The following CNNM1 variants were observed in gnomAD, a reference collection of about 807,000 sequenced individuals.
CNNM1 encodes the protein cyclin and CBS domain divalent metal cation transport mediator 1.
A neutral mutation model predicts 78.8 loss-of-function variants in CNNM1; 44 were observed. The observed-to-expected ratio is 0.56, with a 90% CI of 0.44 to 0.72. CNNM1 has a LOEUF of 0.72. Among genes scored for constraint, CNNM1 ranks in the 30% least tolerant of loss-of-function variants. CNNM1 has a pLI of 0.00. For synonymous variants in CNNM1, 584 were observed against 581.5 expected, an observed-to-expected ratio of 1.00 and a Z score of -0.06; for missense variants, 1,101 against 1,292.2, an observed-to-expected ratio of 0.85 and a Z score of 2.27.
chr10:99,361,986 T>G (rs1473490573), intron 3 of CNNM1, among the ~76,000 whole-genome samples: 1 of 152,234 alleles, frequency 6.6e-6, no homozygotes, highest in Non-Finnish European at 1.5e-5. Context: ...GAGACCTGTT[T>G]CTCCTGAGAT....
intron 1 of CNNM1, among the ~76,000 whole-genome samples, chr10:99,350,002 A>G (rs1053536723): frequency 6.6e-6 from 1 of 152,154 alleles, no homozygotes; most frequent in Admixed American, 6.5e-5. Context: ...CAGTCTCAAA[A>G]CAAAACAAAA....
intron 2 of CNNM1, among the ~76,000 whole-genome samples, chr10:99,358,021 C>T (rs1053365242): frequency 4.6e-5 from 7 of 152,232 alleles, no homozygotes; most frequent in African/African-American, 1.7e-4. Flanking sequence ...TTGGTTGCTT[C>T]ATCCACCTAG....
intron 10 of CNNM1, among the ~76,000 whole-genome samples, chr10:99,390,783 A>G (rs1017713035): frequency 4.6e-5 from 7 of 152,226 alleles, no homozygotes; most frequent in Non-Finnish European, 8.8e-5. Flanking sequence ...ACAGGCCTCT[A>G]ATATTTTCTG....
chr10:99,357,952 G>A (rs1051623471), intron 2 of CNNM1, among the ~76,000 whole-genome samples: 6 of 152,202 alleles, frequency 3.9e-5, no homozygotes, highest in Non-Finnish European at 8.8e-5. Context: ...GAAACACAGT[G>A]TTCCCAGGAC....
At chr10:99,390,876 A>T (rs1034115774) in intron 10 of CNNM1, among the ~76,000 whole-genome samples, 1 of 152,258 alleles carries the variant, frequency 6.6e-6, no homozygotes, top group Non-Finnish European at 1.5e-5. Flanking sequence ...AATGGTGGAG[A>T]GAACAAGGTG....
intron 3 of CNNM1, among the ~76,000 whole-genome samples, chr10:99,361,186 A>T (rs2031421106): frequency 6.6e-6 from 1 of 152,214 alleles, no homozygotes; most frequent in South Asian, 2.1e-4. Context: ...GGAAGAAATG[A>T]GTATAACTCA....
chr10:99,344,908 G>A (rs181094065), intron 1 of CNNM1, among the ~76,000 whole-genome samples: 31 of 152,276 alleles, frequency 2.0e-4, no homozygotes, highest in African/African-American at 7.2e-4. Context: ...GGGAGGTGCC[G>A]GGCATTAGCT....
rs533864174 is a variant in CNNM1 at position 99,377,302 on chromosome 10, C to G, written c.2340+84C>G. The stretch of plus-strand genomic sequence containing the variant: ...CGGGACAAGAAGACTACCCCCATTC[C>G]TAGGAGGGATGTGTGCACCATTCCC... On this transcript the variant is annotated intron_variant, in intron 7 of 10. Coordinates refer to ENST00000356713, the MANE Select transcript of CNNM1 (RefSeq NM_020348.3). 41 of 1,330,804 alleles carry G rather than the reference C, an allele frequency of 3.1e-5. 1 individual carries two copies. The highest frequency in any genetic ancestry group is 4.1e-5 in the Non-Finnish European group (39 of 949,484). The allele number at this position is 1,330,804 out of a possible 1,614,324, so 82.4% of individuals were successfully genotyped here.
At position 99,329,557 on chromosome 10, in the gene CNNM1, T is replaced by A. The variant is rs1209466488; in HGVS notation, c.170T>A (p.Leu57Gln). The A allele has an allele frequency of 6.5e-7, 1 of 1,532,846 alleles. No homozygotes were observed. The allele number at this position is 1,532,846 out of a possible 1,614,324, so 95.0% of individuals were successfully genotyped here. ...GACACTGCTGGAGGCCGCGTGTCCC[T>A]GGAGGGGGGCACCCTGCGCGCCGCC... is the stretch of plus-strand genomic sequence containing the variant. ...PEDTAGGRVS[L>Q]EGGTLRAAEG... The change falls in exon 1 of 11, where the codon CTG becomes CAG. Residue 57 changes from leucine to glutamine, a missense_variant. Physicochemically the swap from Leu to Gln is moderately radical, Grantham distance 113. This residue lies in a region of CNNM1 where 476 missense variants were observed against 484.5 expected (regional missense o/e 0.98). Coordinates refer to ENST00000356713, the MANE Select transcript of CNNM1 (RefSeq NM_020348.3).
chr10:99,391,056 G>A (rs978383729), intron 10 of CNNM1, among the ~76,000 whole-genome samples: 2 of 152,210 alleles, frequency 1.3e-5, no homozygotes, highest in African/African-American at 4.8e-5. Context: ...CCTGATTCAT[G>A]GGACATCAAA....
Position 99,378,033 on chromosome 10 carries a change from G to A in CNNM1, c.2340+815G>A, listed in dbSNP as rs570406974. Among the ~76,000 whole-genome samples, 19 of 148,730 alleles carry A rather than the reference G, an allele frequency of 1.3e-4. No individual in the cohort carries two copies. The East Asian group carries it at 3.6e-3, about 28-fold the overall frequency. The stretch of plus-strand genomic sequence containing the variant: ...GGCTGGAGTGCAGTGGCGTGATCTC[G>A]GCTCACTGCAACCTCCATCTCCCAG... On this transcript the variant is annotated intron_variant, in intron 7 of 10. Transcript: ENST00000356713.
chr10:99,329,744 C>T lies in CNNM1; in HGVS notation c.357C>T (p.Ala119=), dbSNP rs1205569255. The T allele has an allele frequency of 6.6e-7, 1 of 1,504,706 alleles. No individual in the cohort carries two copies. Among genetic ancestry groups the T allele is most frequent in the Non-Finnish European group, 8.8e-7 (1 of 1,136,198 alleles). 93.2% of individuals were successfully genotyped at this position (1,504,706 alleles called of 1,614,324 possible). A position where few individuals can be genotyped will look rare whatever the true frequency, so the allele number is the denominator to read the frequency against. The change falls in exon 1 of 11, where the codon GCC becomes GCT. Residue 119 remains alanine (A), a synonymous_variant. Coordinates refer to ENST00000356713, the MANE Select transcript of CNNM1 (RefSeq NM_020348.3). The stretch of plus-strand genomic sequence containing the variant: ...AGCCCCCGGGCGGTGGCGGCGTGGC[C>T]CCCAGCGCGGTCCCCACTCGCCCCC... ...IEEPPGGGGV[A]PSAVPTRPPG... is the part of the protein sequence containing the mutation.
At chr10:99,384,329 A>G (rs1044220312) in intron 7 of CNNM1, among the ~76,000 whole-genome samples, 11 of 152,168 alleles carry the variant, frequency 7.2e-5, no homozygotes, top group Admixed American at 7.2e-4. Context: ...ACATGGCAGG[A>G]GTTCATGATT....
chr10:99,361,069 A>G, intron 3 of CNNM1, 94 bp downstream of exon 3: 1 of 1,344,614 alleles, frequency 7.4e-7, no homozygotes, highest in Admixed American at 2.7e-5. Flanking sequence ...GCCTGATTCC[A>G]GTGTGCTGTC....
At chr10:99,333,946 A>G (rs1472506608) in intron 1 of CNNM1, among the ~76,000 whole-genome samples, 2 of 152,252 alleles carry the variant, frequency 1.3e-5, no homozygotes, top group African/African-American at 4.8e-5. Context: ...AAGAGAAGCA[A>G]GCCATTACAG....
chr10:99,358,243 C>T (rs983052043), intron 2 of CNNM1, among the ~76,000 whole-genome samples: 2 of 152,220 alleles, frequency 1.3e-5, no homozygotes, highest in African/African-American at 4.8e-5. Flanking sequence ...TTCCTTCTTT[C>T]TGGTCTGCTG....
chr10:99,370,240 TC>T (rs1353935185), intron 6 of CNNM1, among the ~76,000 whole-genome samples: 2 of 151,980 alleles, frequency 1.3e-5, no homozygotes, highest in African/African-American at 4.8e-5. Context: ...TTTTCAACTT[TC>T]CCCCCTTTTC....
At chr10:99,387,510 A>C (rs2032340040) in intron 7 of CNNM1, among the ~76,000 whole-genome samples, 1 of 152,146 alleles carries the variant, frequency 6.6e-6, no homozygotes, top group Admixed American at 6.5e-5. Context: ...GGGTGTTTTA[A>C]ACTTCTCCAT....
chr10:99,368,657 G>T (rs999774430), intron 6 of CNNM1: 27 of 1,289,502 alleles, frequency 2.1e-5, no homozygotes, highest in Non-Finnish European at 2.7e-5. Context: ...GTCAGCAGAG[G>T]GGACTCTCTG....
Sources: allele counts gnomAD v4.1 joint callset (sites outside exome capture counted in the v4.1 genomes callset), GRCh38; gene constraint gnomAD v4.1.1; regional missense constraint gnomAD v4.1.1; transcripts MANE v1.5; gene names NCBI Gene and HGNC (gene_info 2026-07-23, HGNC 2026-07-21).